RAB6A: variants seen among roughly 807,000 people sequenced by gnomAD.
RAB6A encodes RAB6A, member RAS oncogene family.
A neutral mutation model predicts 32.3 loss-of-function variants in RAB6A; 8 were observed. That is an observed-to-expected ratio of 0.25 (90% CI 0.15 to 0.45). The LOEUF (loss-of-function observed/expected upper bound fraction) is 0.45. Ranked by LOEUF, RAB6A falls within the 20% of genes least tolerant of loss-of-function variation. The pLI, the probability that RAB6A is intolerant of heterozygous loss-of-function variation, is 1.00. For missense variants in RAB6A, 104 were observed against 249.4 expected (o/e 0.42, Z 3.93); for synonymous variants, 73 against 82.1 (o/e 0.89, Z 0.60).
At chr11:73,679,855 C>T in intron 6 of RAB6A, 135 bp from the exon 7 acceptor site, 1 of 1,144,298 alleles carries the variant, frequency 8.7e-7, no homozygotes, top group Middle Eastern at 2.6e-4. Flanking sequence ...ACTTTGGGAC[C>T]CACCCGAGGT....
chr11:73,759,918 C>CGA, intron 1 of RAB6A: 2 of 751,496 alleles, frequency 2.7e-6, no homozygotes. Context: ...CCACTGCCGA[C>CGA]GCTACCCCTT....
At chr11:73,723,444 G>A (rs942114497) in intron 2 of RAB6A, among the ~76,000 whole-genome samples, 7 of 152,054 alleles carry the variant, frequency 4.6e-5, no homozygotes, top group Non-Finnish European at 7.3e-5. Flanking sequence ...TCCTGCCTCA[G>A]CTTCCCAAGC....
In RAB6A at chr11:73,760,632, A is replaced by G; in HGVS notation, c.4T>C (p.Ser2Pro). The stretch of plus-strand genomic sequence containing the variant: ...GGATTCCCGAAGTCTCCGCCCGTGG[A>G]CATTGTGGAACTAGAGGAGCGGCCG... MSTGGDFGNPLR... is the reference protein window; with the variant it reads MPTGGDFGNPLR... Residue 2 changes from serine (S) to proline (P), a missense_variant, in exon 1 of 8, where the codon TCC (serine) becomes CCC (proline). Physicochemically the swap from Ser to Pro is moderately conservative, Grantham distance 74 (BLOSUM62 -1). Around this residue, in one of 4 missense-constraint regions of RAB6A, gnomAD observed 48 missense variants for 155.2 expected, o/e 0.31. Transcript: ENST00000336083. 1 of 1,609,636 alleles carries G rather than the reference A, an allele frequency of 6.2e-7. No individual in the cohort carries two copies. The highest frequency in any genetic ancestry group is 8.5e-7 in the Non-Finnish European group (1 of 1,178,218).
At position 73,739,304 on chromosome 11, in the gene RAB6A, T is replaced by TATATATATATATATAA. The variant is rs375733945; in HGVS notation, c.71-8482_71-8481insTTATATATATATATAT. ...AAAAAAATATATATATATATATATA[T>TATATATATATATATAA]AAATACTGGAACACCAAAGATAACT... is the stretch of plus-strand genomic sequence containing the variant. On this transcript the variant is annotated intron_variant, in intron 1 of 7. Coordinates refer to ENST00000336083, the MANE Select transcript of RAB6A (RefSeq NM_198896.2). Among the ~76,000 whole-genome samples, 175 of 31,656 alleles carry TATATATATATATATAA rather than the reference T, an allele frequency of 5.5e-3. 12 individuals are homozygous for TATATATATATATATAA. In the Middle Eastern group the frequency reaches 0.062, roughly 11 times the overall value. The allele number at this position is 31,656 out of a possible 152,430, so 20.8% of individuals were successfully genotyped here. A position where few individuals can be genotyped will look rare whatever the true frequency, so the allele number is the denominator to read the frequency against.
At chr11:73,716,867 G>A (rs775789008) in intron 4 of RAB6A, among the ~76,000 whole-genome samples, 1 of 152,166 alleles carries the variant, frequency 6.6e-6, no homozygotes, top group Non-Finnish European at 1.5e-5. Context: ...TTAACCTAAA[G>A]TTTATTTGTT....
At chr11:73,749,857 GACTGTAAGAAAAAAACAA>G (rs1196435167) in intron 1 of RAB6A, among the ~76,000 whole-genome samples, 1 of 151,912 alleles carries the variant, frequency 6.6e-6, no homozygotes, top group Non-Finnish European at 1.5e-5. Context: ...GCAAGACCCT[GACTGTAAGAAAAAAACAA>G]ACTGGCAGGG....
At chr11:73,747,034 C>T (rs1228130042) in intron 1 of RAB6A, among the ~76,000 whole-genome samples, 5 of 151,982 alleles carry the variant, frequency 3.3e-5, no homozygotes, top group Non-Finnish European at 7.4e-5. Context: ...CTCCCGGGTT[C>T]AAGCGTTTCG....
chr11:73,692,994 CAAAAAAA>C (rs1945599892), intron 6 of RAB6A, among the ~76,000 whole-genome samples: 1 of 151,290 alleles, frequency 6.6e-6, no homozygotes, highest in South Asian at 2.1e-4. Context: ...AAACAAAAAA[CAAAAAAA>C]GCCAATTATG....
At chr11:73,756,894 G>C (rs1269856127) in intron 1 of RAB6A, among the ~76,000 whole-genome samples, 2 of 151,180 alleles carry the variant, frequency 1.3e-5, no homozygotes, top group African/African-American at 2.4e-5. Flanking sequence ...GGCTGGTCTT[G>C]AACTCCTGAC....
Position 73,722,326 on chromosome 11 carries a change from TA to T in RAB6A, c.130-1428del, listed in dbSNP as rs1946149094. On this transcript the variant is annotated intron_variant, in intron 2 of 7. Transcript: ENST00000336083. The stretch of plus-strand genomic sequence containing the variant: ...GTGTGTATATATATATATATATATA[TA>T]TATATATATATATATATTTTTTTTT... 13 of 10,468 alleles carry T rather than the reference TA, an allele frequency of 1.2e-3. 1 individual carries two copies. The highest frequency in any genetic ancestry group is 3.2e-3 in the African/African-American group (11 of 3,410). 0.6% of individuals were successfully genotyped at this position (10,468 alleles called of 1,614,324 possible). A position where few individuals can be genotyped will look rare whatever the true frequency, so the allele number is the denominator to read the frequency against.
chr11:73,726,029 G>C (rs1169516693), intron 2 of RAB6A, among the ~76,000 whole-genome samples: 5 of 152,118 alleles, frequency 3.3e-5, no homozygotes, highest in Admixed American at 3.3e-4. Context: ...GCTCACATCT[G>C]TAATCCCAGC....
At chr11:73,713,060 C>T (rs1016294882) in intron 5 of RAB6A, among the ~76,000 whole-genome samples, 2 of 152,004 alleles carry the variant, frequency 1.3e-5, no homozygotes, top group African/African-American at 2.4e-5. Context: ...TCTTGTTCAT[C>T]TTATCTTATA....
chr11:73,714,192 C>CAAAAAAA (rs71272251), intron 5 of RAB6A, among the ~76,000 whole-genome samples: 4 of 66,180 alleles, frequency 6.0e-5, no homozygotes, highest in African/African-American at 1.8e-4. Context: ...AACTCCATCT[C>CAAAAAAA]AAAAAAAAAA....
In RAB6A at chr11:73,736,200, G is replaced by A. The variant is rs561751783; in HGVS notation, c.71-5377C>T. Among the ~76,000 whole-genome samples, 46 of 152,100 alleles carry A rather than the reference G, an allele frequency of 3.0e-4. 1 individual carries two copies. In the South Asian group the frequency reaches 7.9e-3, roughly 26 times the overall value. ...TCTCAGCACTTTGAGAGGCCAAGGC[G>A]GGCAGATGACTTGAGGTCAGGAGTT... On this transcript the variant is annotated intron_variant, in intron 1 of 7. Coordinates refer to ENST00000336083, the MANE Select transcript of RAB6A (RefSeq NM_198896.2).
chr11:73,743,441 G>A (rs1946532615), intron 1 of RAB6A, among the ~76,000 whole-genome samples: 2 of 151,992 alleles, frequency 1.3e-5, no homozygotes, highest in Admixed American at 1.3e-4. Flanking sequence ...TAAACTTTTA[G>A]CAGGTCATCA....
At chr11:73,747,919 C>T (rs1332959844) in intron 1 of RAB6A, among the ~76,000 whole-genome samples, 1 of 152,164 alleles carries the variant, frequency 6.6e-6, no homozygotes, top group African/African-American at 2.4e-5. Context: ...TTATCTTATT[C>T]CTAACGATGT....
At chr11:73,733,464 G>A (rs1170294149) in intron 1 of RAB6A, among the ~76,000 whole-genome samples, 5 of 151,700 alleles carry the variant, frequency 3.3e-5, no homozygotes, top group African/African-American at 9.7e-5. Context: ...CAGGAGAATC[G>A]TTTGAACCCA....
At chr11:73,703,496 C>T (rs2134910692) in intron 6 of RAB6A, among the ~76,000 whole-genome samples, 1 of 152,298 alleles carries the variant, frequency 6.6e-6, no homozygotes, top group African/African-American at 2.4e-5. Flanking sequence ...AATCTCAGCA[C>T]TTTGAAAGGC....
At chr11:73,680,097 TTAAATAAA>T (rs953100632) in intron 6 of RAB6A, among the ~76,000 whole-genome samples, 12 of 151,906 alleles carry the variant, frequency 7.9e-5, no homozygotes, top group South Asian at 2.1e-4. Flanking sequence ...GACTCTGTCT[TTAAATAAA>T]TAAATAAATA....
Sources: allele counts gnomAD v4.1 joint callset (sites outside exome capture counted in the v4.1 genomes callset), GRCh38; gene constraint gnomAD v4.1.1; regional missense constraint gnomAD v4.1.1; transcripts MANE v1.5; gene names NCBI Gene and HGNC (gene_info 2026-07-23, HGNC 2026-07-21).